The following TUT7 variants were observed in gnomAD, a reference collection of about 807,000 sequenced individuals.
TUT7 encodes the protein terminal uridylyl transferase 7, also known as terminal uridylyltransferase 7.
A neutral mutation model predicts 165.9 loss-of-function variants in TUT7; 33 were observed. That is an observed-to-expected ratio of 0.20 (90% CI 0.15 to 0.27). The LOEUF (loss-of-function observed/expected upper bound fraction) is 0.27, where lower values mean the gene tolerates loss of function less well. Ranked by LOEUF, TUT7 falls within the 10% of genes least tolerant of loss-of-function variation. The probability of loss-of-function intolerance (pLI) is 1.00; values close to 1 mark genes in which losing one functional copy is unlikely to be tolerated. For synonymous variants in TUT7, 552 were observed against 608.1 expected (o/e 0.91, Z 1.36); for missense variants, 1,338 against 1,762.3 (o/e 0.76, Z 4.31).
At chr9:86,329,647 T>A (rs897625118) in intron 10 of TUT7, among the ~76,000 whole-genome samples, 1 of 152,162 alleles carries the variant, frequency 6.6e-6, no homozygotes, top group Non-Finnish European at 1.5e-5. Context: ...GGCTACTTCA[T>A]TGGTTTAGAA....
At chr9:86,321,588 G>A (rs1364607110) in intron 14 of TUT7, among the ~76,000 whole-genome samples, 1 of 152,044 alleles carries the variant, frequency 6.6e-6, no homozygotes, top group Admixed American at 6.5e-5. Flanking sequence ...AATGAGCTGG[G>A]TGTGGTGATG....
intron 26 of TUT7, among the ~76,000 whole-genome samples, chr9:86,297,921 C>CTTTTTTTTTTTTTTTTTTTTTTTTTTTTT (rs59651352): frequency 1.2e-5 from 1 of 86,498 alleles, no homozygotes; most frequent in Admixed American, 1.4e-4. Context: ...GCCTGCTCCA[C>CTTTTTTTTTTTTTTTTTTTTTTTTTTTTT]TTTTTTTTTT....
intron 10 of TUT7, among the ~76,000 whole-genome samples, chr9:86,334,711 T>C (rs896587665): frequency 1.3e-5 from 2 of 152,160 alleles, no homozygotes; most frequent in African/African-American, 4.8e-5. Flanking sequence ...AGAGACATCC[T>C]GAGTTTTTAT....
chr9:86,295,823 GAATA>G (rs34685427), intron 26 of TUT7, among the ~76,000 whole-genome samples: 66,799 of 150,852 alleles, frequency 0.44, 14,918 homozygotes, highest in Middle Eastern at 0.59. Flanking sequence ...GATTAAAATG[GAATA>G]AATAAATAGA....
intron 2 of TUT7, among the ~76,000 whole-genome samples, chr9:86,348,570 T>C (rs1015534697): frequency 2.0e-5 from 3 of 151,920 alleles, no homozygotes; most frequent in Admixed American, 6.6e-5. Context: ...CTGGACAACA[T>C]AGTGAGATGT....
intron 14 of TUT7, 26 bp downstream of exon 14, chr9:86,322,299 A>T (rs376644550): frequency 5.2e-5 from 83 of 1,595,714 alleles, no homozygotes; most frequent in Middle Eastern, 1.7e-4. Flanking sequence ...TATTTTGACA[A>T]ATCAAAAGAA....
chr9:86,289,382 G>A (rs990944544), intron 26 of TUT7, among the ~76,000 whole-genome samples: 1 of 152,132 alleles, frequency 6.6e-6, no homozygotes, highest in African/African-American at 2.4e-5. Context: ...AATGAAGTTT[G>A]CATTTCAAAC....
At chr9:86,351,748 A>G (rs1218842479) in intron 2 of TUT7, among the ~76,000 whole-genome samples, 1 of 152,198 alleles carries the variant, frequency 6.6e-6, no homozygotes, top group Non-Finnish European at 1.5e-5. Flanking sequence ...TAAACTAAAA[A>G]AATTTATTTA....
chr9:86,299,773 A>C (rs1564026745), intron 26 of TUT7, among the ~76,000 whole-genome samples: 1 of 152,206 alleles, frequency 6.6e-6, no homozygotes, highest in African/African-American at 2.4e-5. Context: ...AATTCATCAA[A>C]GCTGGGGCAA....
intron 10 of TUT7, among the ~76,000 whole-genome samples, chr9:86,334,073 T>C (rs700771): frequency 0.25 from 37,304 of 151,774 alleles, 6,164 homozygotes; most frequent in Non-Finnish European, 0.35. Context: ...ACAGTGACCT[T>C]CATAACTATT....
intron 8 of TUT7, 151 bp from the exon 9 acceptor site, chr9:86,339,100 A>C: frequency 1.6e-6 from 1 of 629,360 alleles, no homozygotes; most frequent in Non-Finnish European, 2.3e-6. Context: ...CTACATCTTT[A>C]TGAGTAATTT....
intron 10 of TUT7, among the ~76,000 whole-genome samples, chr9:86,332,134 T>C (rs867237334): frequency 7.9e-5 from 12 of 152,216 alleles, no homozygotes; most frequent in Admixed American, 2.0e-4. Context: ...GGGAACACTT[T>C]CCTCAAAGAG....
intron 22 of TUT7, 78 bp from the exon 23 acceptor site, chr9:86,305,317 A>C (rs942220978): frequency 6.2e-6 from 6 of 964,262 alleles, no homozygotes; most frequent in Non-Finnish European, 9.4e-6. Context: ...AAAGTTCATA[A>C]AACAAGACAA....
intron 5 of TUT7, among the ~76,000 whole-genome samples, chr9:86,343,990 A>G (rs1831538710): frequency 6.6e-6 from 1 of 152,252 alleles, no homozygotes; most frequent in Non-Finnish European, 1.5e-5. Context: ...GAAATTTTAC[A>G]GTAAAAATCA....
At chr9:86,332,321 A>C (rs939780203) in intron 10 of TUT7, among the ~76,000 whole-genome samples, 1 of 152,126 alleles carries the variant, frequency 6.6e-6, no homozygotes, top group Non-Finnish European at 1.5e-5. Flanking sequence ...GGATAAAGAA[A>C]ATATGGTACA....
chr9:86,345,878 T>C, intron 3 of TUT7, 93 bp from the exon 4 acceptor site: 1 of 944,934 alleles, frequency 1.1e-6, no homozygotes, highest in Non-Finnish European at 1.6e-6. Context: ...TCCCCTTCAA[T>C]TTCTTTTCTC....
At position 86,311,610 on chromosome 9, in the gene TUT7, G is replaced by A. The variant is rs1244212447; in HGVS notation, c.3275-801C>T. Among the ~76,000 whole-genome samples, 1 of 84,630 alleles carries A rather than the reference G, an allele frequency of 1.2e-5. No individual in the cohort carries two copies. Among genetic ancestry groups the A allele is most frequent in the Non-Finnish European group, 2.4e-5 (1 of 42,264 alleles). 55.5% of individuals were successfully genotyped at this position (84,630 alleles called of 152,430 possible). On this transcript the variant is annotated intron_variant, in intron 17 of 26. Coordinates refer to ENST00000375963, the MANE Select transcript of TUT7 (RefSeq NM_024617.4). The surrounding 1 kb of genome is among the most constrained non-coding windows in gnomAD (Gnocchi z 4.4). ...CTCTTCCCTCTCCCCTCTCCCCACG[G>A]TCTCCCTCTCCCTCTCTTTCCACGG...
chr9:86,306,714 G>A (rs1305808583), intron 22 of TUT7, among the ~76,000 whole-genome samples: 2 of 152,000 alleles, frequency 1.3e-5, no homozygotes, highest in Admixed American at 6.5e-5. Context: ...GGCTGACAAC[G>A]GGTGAACCCA....
Position 86,337,530 on chromosome 9 carries a change from A to G in TUT7, c.1344T>C (p.Ser448=). ...IAFRYWAKLC[S]IDRPEEGGLP... ...GACCTCCTTCTTCAGGGCGATCTAT[A>G]CTGCAAAGCTACAAACAAGAGAAAA... The change falls in exon 10 of 27, where the codon AGT becomes AGC. Residue 448 remains serine, a synonymous_variant. Coordinates refer to ENST00000375963, the MANE Select transcript of TUT7 (RefSeq NM_024617.4). 1 of 1,598,186 alleles carries G rather than the reference A, an allele frequency of 6.3e-7. No homozygotes were observed. The highest frequency in any genetic ancestry group is 1.1e-5 in the South Asian group (1 of 87,520).
Sources: gnomAD v4.1 joint callset for allele counts (sites outside exome capture counted in the v4.1 genomes callset) on GRCh38, gnomAD v4.1.1 for gene constraint, Gnocchi (gnomAD v3.1) non-coding constraint, MANE v1.5 for transcripts, NCBI Gene and HGNC (gene_info 2026-07-23, HGNC 2026-07-21) for gene names.